Variants in CSNK2A2IP observed in about 807,000 individuals in gnomAD.
CSNK2A2IP encodes the protein casein kinase 2 subunit alpha' interacting protein.
the CSNK2A2IP span, among the ~76,000 whole-genome samples, chr3:88,418,268 A>G: frequency 6.6e-6 from 1 of 152,172 alleles, no homozygotes; most frequent in Non-Finnish European, 1.5e-5. Context: ...AATACTCATA[A>G]AAGTTTTCTT....
At chr3:88,432,391 A>G in the CSNK2A2IP span, among the ~76,000 whole-genome samples, 12 of 151,952 alleles carry the variant, frequency 7.9e-5, no homozygotes, top group Middle Eastern at 3.5e-3. Context: ...TCTATCATCT[A>G]TCTGAAATCT....
chr3:88,411,029 C>T, the CSNK2A2IP span, among the ~76,000 whole-genome samples: 1,881 of 151,780 alleles, frequency 0.012, 53 homozygotes, highest in African/African-American at 0.043. Context: ...AGCTTTTTAC[C>T]TTTAAATTAA....
the CSNK2A2IP span, among the ~76,000 whole-genome samples, chr3:88,375,437 G>A: frequency 1.3e-5 from 2 of 151,784 alleles, no homozygotes; most frequent in Non-Finnish European, 2.9e-5. Context: ...TAGAGGAGAA[G>A]TTATGAGAGG....
the CSNK2A2IP span, among the ~76,000 whole-genome samples, chr3:88,358,822 G>A: frequency 2.0e-5 from 3 of 152,202 alleles, no homozygotes; most frequent in Non-Finnish European, 1.5e-5. Flanking sequence ...TCTGATTTTG[G>A]TGTCAGGGTA....
At chr3:88,356,273 A>G in the CSNK2A2IP span, among the ~76,000 whole-genome samples, 15,367 of 152,050 alleles carry the variant, frequency 0.1, 897 homozygotes, top group East Asian at 0.22. Flanking sequence ...TGCCTTTGGT[A>G]ACCACCATCA....
chr3:88,383,993 C>T, the CSNK2A2IP span, among the ~76,000 whole-genome samples: 1 of 152,036 alleles, frequency 6.6e-6, no homozygotes, highest in Non-Finnish European at 1.5e-5. Flanking sequence ...GCTTTTGACC[C>T]TGCCGATTGG....
the CSNK2A2IP span, among the ~76,000 whole-genome samples, chr3:88,367,150 T>G: frequency 6.6e-6 from 1 of 152,106 alleles, no homozygotes; most frequent in East Asian, 1.9e-4. Flanking sequence ...TTAAATTTTA[T>G]TTTCAGAAAC....
At chr3:88,436,642 G>C in the CSNK2A2IP span, among the ~76,000 whole-genome samples, 1 of 152,054 alleles carries the variant, frequency 6.6e-6, no homozygotes, top group African/African-American at 2.4e-5. Context: ...AATTAAAGCA[G>C]CACTGGACTG....
At chr3:88,435,392 A>G in the CSNK2A2IP span, among the ~76,000 whole-genome samples, 2 of 152,148 alleles carry the variant, frequency 1.3e-5, no homozygotes, top group African/African-American at 4.8e-5. Context: ...AGAAAAATTT[A>G]ATTATTCTTA....
At chr3:88,380,183 A>G in the CSNK2A2IP span, among the ~76,000 whole-genome samples, 12 of 152,058 alleles carry the variant, frequency 7.9e-5, 1 homozygote, top group Non-Finnish European at 1.2e-4. Flanking sequence ...AATAAATTAT[A>G]AGGCTAAAAA....
At chr3:88,374,951 G>A in the CSNK2A2IP span, among the ~76,000 whole-genome samples, 1 of 151,648 alleles carries the variant, frequency 6.6e-6, no homozygotes. Context: ...CTCATCATAG[G>A]TTATCAAAAT....
At chr3:88,394,667 C>T in the CSNK2A2IP span, among the ~76,000 whole-genome samples, 1 of 152,264 alleles carries the variant, frequency 6.6e-6, no homozygotes, top group South Asian at 2.1e-4. Flanking sequence ...AGCCAGCACA[C>T]ACAGCCTTAA....
chr3:88,399,270 C>G, the CSNK2A2IP span, among the ~76,000 whole-genome samples: 1 of 152,010 alleles, frequency 6.6e-6, no homozygotes, highest in Non-Finnish European at 1.5e-5. Flanking sequence ...TTGTCTGAGG[C>G]TTTATTGTTA....
At chr3:88,364,076 G>T in the CSNK2A2IP span, among the ~76,000 whole-genome samples, 1 of 152,046 alleles carries the variant, frequency 6.6e-6, no homozygotes, top group Admixed American at 6.6e-5. Flanking sequence ...TGCACTCTCA[G>T]CTCTGTCTCT....
At chr3:88,443,152 T>C in the CSNK2A2IP span, among the ~76,000 whole-genome samples, 1 of 152,192 alleles carries the variant, frequency 6.6e-6, no homozygotes, top group Non-Finnish European at 1.5e-5. Context: ...TTCTTTCTTA[T>C]GCACATTCAG....
At chr3:88,392,442 A>G in the CSNK2A2IP span, among the ~76,000 whole-genome samples, 1 of 152,216 alleles carries the variant, frequency 6.6e-6, no homozygotes, top group African/African-American at 2.4e-5. Flanking sequence ...AAAAGTTGAG[A>G]AATTCATTGA....
chr3:88,415,602 G>C, the CSNK2A2IP span, among the ~76,000 whole-genome samples: 28 of 152,084 alleles, frequency 1.8e-4, no homozygotes, highest in South Asian at 1.5e-3. Context: ...AGAGTGGGGA[G>C]GGGGCGGGAA....
chr3:88,444,690 C>T, the CSNK2A2IP span, among the ~76,000 whole-genome samples: 1 of 152,170 alleles, frequency 6.6e-6, no homozygotes, highest in African/African-American at 2.4e-5. Flanking sequence ...ATTTTCATTT[C>T]AGACGGCTAG....
chr3:88,373,187 C>T, the CSNK2A2IP span, among the ~76,000 whole-genome samples: 2 of 151,278 alleles, frequency 1.3e-5, no homozygotes, highest in Admixed American at 1.3e-4. Context: ...TATTTCTCTT[C>T]AGAAGAACAT....
Sources: gnomAD v4.1 joint callset for allele counts (sites outside exome capture counted in the v4.1 genomes callset) on GRCh38, gnomAD v4.1.1 for gene constraint, MANE v1.5 for transcripts, NCBI Gene and HGNC (gene_info 2026-07-23, HGNC 2026-07-21) for gene names.